Variants in DHX30 observed in about 807,000 individuals in gnomAD.
DHX30 encodes ATP-dependent RNA helicase DHX30.
In DHX30, 4 loss-of-function variants were observed where a neutral mutation model predicts 116.9. The observed-to-expected ratio is 0.03, with a 90% CI of 0.02 to 0.08. The LOEUF is 0.08. Ranked by LOEUF, DHX30 falls within the 10% of genes least tolerant of loss-of-function variation. The pLI, the probability that DHX30 is intolerant of heterozygous loss-of-function variation, is 1.00. For missense variants in DHX30, 871 were observed against 1,595.1 expected, an observed-to-expected ratio of 0.55 and a Z score of 7.73; for synonymous variants, 697 against 651.7, an observed-to-expected ratio of 1.07 and a Z score of -1.06.
rs1285372239 is a variant in DHX30 at position 47,833,555 on chromosome 3, A to AAT, written c.366+4422_366+4423insTA. ...TCTCTCTCAAAAAAAAAAAAAAAAA[A>AAT]AAAGAAAGAGCACCTAAAATGTACT... is the stretch of plus-strand genomic sequence containing the variant. On this transcript the variant is annotated intron_variant, in intron 6 of 21. Transcript: ENST00000445061. 2.0e-5 allele frequency among the ~76,000 whole-genome samples: 3 copies of AAT among 150,038 alleles called. No individual in the cohort carries two copies. The East Asian group carries it at 5.9e-4, about 30-fold the overall frequency.
chr3:47,832,162 C>T (rs192754986), intron 6 of DHX30, among the ~76,000 whole-genome samples: 12 of 151,426 alleles, frequency 7.9e-5, no homozygotes, highest in Admixed American at 4.0e-4. Context: ...CCTTCTGCCT[C>T]GGCCTCCCAA....
At position 47,818,742 on chromosome 3, in the gene DHX30, C is replaced by T. The variant is rs115556967; in HGVS notation, c.124+625C>T. Among the ~76,000 whole-genome samples the T allele has an allele frequency of 2.8e-3, 421 of 152,250 alleles. 1 individual carries two copies. The highest frequency in any genetic ancestry group is 3.9e-3 in the Non-Finnish European group (266 of 68,008). ...CCAGGGATAGGACCCAGGGAAGCAT[C>T]GCTGCACATGAGCGCCTCCTCTTCT... On this transcript the variant is annotated intron_variant, in intron 4 of 21. Coordinates refer to ENST00000445061, the MANE Select transcript of DHX30 (RefSeq NM_138615.3).
intron 6 of DHX30, among the ~76,000 whole-genome samples, chr3:47,834,016 T>C (rs767382334): frequency 1.3e-5 from 2 of 152,218 alleles, no homozygotes; most frequent in Admixed American, 6.5e-5. Flanking sequence ...ATTTCTCTTT[T>C]CTTCCTGCCC....
In DHX30 at chr3:47,803,149, G is replaced by GT. The variant is rs1361678576; in HGVS notation, c.-185dup. The GT allele has an allele frequency of 2.5e-6, 1 of 393,952 alleles. No homozygotes were observed. 24.4% of individuals were successfully genotyped at this position (393,952 alleles called of 1,614,324 possible). A position where few individuals can be genotyped will look rare whatever the true frequency, so the allele number is the denominator to read the frequency against. ...CGCTGCTGGGAGTTGTAGTCCGGCC[G>GT]TGGTTGGGGGAGCCGCGGCTCATGC... On this transcript the variant is annotated 5_prime_UTR_variant, in exon 1 of 22. Coordinates refer to ENST00000445061, the MANE Select transcript of DHX30 (RefSeq NM_138615.3).
intron 3 of DHX30, 143 bp downstream of exon 3, chr3:47,810,854 T>C: frequency 1.2e-6 from 1 of 814,512 alleles, no homozygotes; most frequent in South Asian, 1.6e-5. Flanking sequence ...ATAGCCTTCC[T>C]TTTGCATGGT....
chr3:47,832,144 G>A (rs1176027993), intron 6 of DHX30, among the ~76,000 whole-genome samples: 3 of 150,360 alleles, frequency 2.0e-5, no homozygotes. Context: ...TTCCTGGGCT[G>A]AAGCGATCCT....
intron 6 of DHX30, among the ~76,000 whole-genome samples, 180 bp downstream of exon 6, chr3:47,829,314 A>ATATTTT (rs1177077114): frequency 1.5e-4 from 5 of 34,192 alleles, no homozygotes; most frequent in African/African-American, 5.6e-4. Flanking sequence ...ATATATATAT[A>ATATTTT]TTTTTTTTTT....
At chr3:47,843,325 G>T in intron 9 of DHX30, 70 bp downstream of exon 9, 1 of 1,588,168 alleles carries the variant, frequency 6.3e-7, no homozygotes, top group Non-Finnish European at 8.6e-7. Flanking sequence ...AGTGGCAAAT[G>T]GGTCCCATTT....
intron 6 of DHX30, among the ~76,000 whole-genome samples, chr3:47,836,287 G>C (rs776659565): frequency 6.6e-6 from 1 of 151,680 alleles, no homozygotes; most frequent in Non-Finnish European, 1.5e-5. Flanking sequence ...CTGCCACCAC[G>C]CCTGGCCAAT....
chr3:47,815,723 CAAAAAA>C (rs11349970), intron 3 of DHX30, among the ~76,000 whole-genome samples: 4 of 20,756 alleles, frequency 1.9e-4, no homozygotes, highest in African/African-American at 4.3e-4. Flanking sequence ...TAAAAAAGAG[CAAAAAA>C]AAAAAAAAAA....
Position 47,848,694 on chromosome 3 carries a change from G to C in DHX30, c.2646G>C (p.Arg882=), listed in dbSNP as rs200356432. The C allele has an allele frequency of 6.8e-5, 110 of 1,614,180 alleles. 2 individuals carry two copies. The Admixed American group carries it at 1.3e-3, about 20-fold the overall frequency. ...QRLAHISTDP[R]LAKAIVLAAI... ...TGGCTCACATCTCCACCGACCCCCG[G>C]TTGGCCAAGGCCATTGTGTTGGCTG... Residue 882 remains arginine, a synonymous_variant, in exon 17 of 22, where the codon CGG becomes CGC. Transcript: ENST00000445061. This position sits in a 1 kb window ranked among gnomAD's most constrained non-coding sequence, Gnocchi z 9.4.
Position 47,850,162 on chromosome 3 carries a change from A to T in DHX30, c.*42A>T. 1 of 1,519,578 alleles carries T rather than the reference A, an allele frequency of 6.6e-7. No homozygotes were observed. Among genetic ancestry groups the T allele is most frequent in the Non-Finnish European group, 8.8e-7 (1 of 1,133,346 alleles). The allele number at this position is 1,519,578 out of a possible 1,614,324, so 94.1% of individuals were successfully genotyped here. A position where few individuals can be genotyped will look rare whatever the true frequency, so the allele number is the denominator to read the frequency against. On this transcript the variant is annotated 3_prime_UTR_variant, in exon 22 of 22. Coordinates refer to ENST00000445061, the MANE Select transcript of DHX30 (RefSeq NM_138615.3). ...GGCTGTGTACAGAGTGCAAATGTTT[A>T]TTTAAAATAAAGTTCTATTTATCCC... is the stretch of plus-strand genomic sequence containing the variant.
intron 3 of DHX30, among the ~76,000 whole-genome samples, chr3:47,815,375 T>C (rs1203913788): frequency 2.6e-5 from 4 of 152,196 alleles, no homozygotes; most frequent in Non-Finnish European, 4.4e-5. Context: ...GGTTGCATGA[T>C]TGAGCACCTG....
intron 6 of DHX30, among the ~76,000 whole-genome samples, chr3:47,836,383 C>T (rs1220224898): frequency 6.6e-6 from 1 of 152,160 alleles, no homozygotes; most frequent in East Asian, 1.9e-4. Context: ...CCGCCTGCCT[C>T]TGCCTCCGCC....
At chr3:47,829,316 T>TA (rs139342520) in intron 6 of DHX30, among the ~76,000 whole-genome samples, 182 bp downstream of exon 6, 408 of 33,104 alleles carry the variant, frequency 0.012, no homozygotes, top group African/African-American at 0.03. Context: ...ATATATATAT[T>TA]TTTTTTTTTT....
intron 4 of DHX30, among the ~76,000 whole-genome samples, chr3:47,820,726 A>G (rs1404673974): frequency 1.3e-5 from 2 of 152,136 alleles, no homozygotes; most frequent in Non-Finnish European, 2.9e-5. Context: ...TAGCACATGT[A>G]GTACCAGATG....
intron 7 of DHX30, among the ~76,000 whole-genome samples, 190 bp from the exon 8 acceptor site, chr3:47,841,427 A>G (rs1332419406): frequency 2.0e-5 from 3 of 152,206 alleles, no homozygotes; most frequent in South Asian, 2.1e-4. Flanking sequence ...GTGTGAGGGA[A>G]TGGAGGGAGC....
chr3:47,829,314 A>ATATATATATATATTTT (rs1177077114), intron 6 of DHX30, among the ~76,000 whole-genome samples, 180 bp downstream of exon 6: 1 of 34,192 alleles, frequency 2.9e-5, no homozygotes, highest in African/African-American at 1.1e-4. Flanking sequence ...ATATATATAT[A>ATATATATATATATTTT]TTTTTTTTTT....
intron 1 of DHX30, among the ~76,000 whole-genome samples, chr3:47,804,873 A>G (rs889105116): frequency 5.9e-5 from 9 of 152,184 alleles, no homozygotes; most frequent in Non-Finnish European, 1.3e-4. Context: ...CCTGGATTAA[A>G]TGGGGTAAAG....
Sources: allele counts gnomAD v4.1 joint callset (sites outside exome capture counted in the v4.1 genomes callset), GRCh38; gene constraint gnomAD v4.1.1; non-coding constraint Gnocchi (gnomAD v3.1); transcripts MANE v1.5; gene names NCBI Gene and HGNC (gene_info 2026-07-23, HGNC 2026-07-21).